Variants in ABHD12 observed in about 807,000 individuals in gnomAD.
ABHD12 encodes the protein abhydrolase domain containing 12, lysophospholipase.
In ABHD12, 43 loss-of-function variants were observed where a neutral mutation model predicts 58.3. The ratio of observed to expected loss-of-function variants is 0.74; its 90% CI spans 0.58 to 0.95. The LOEUF is 0.95. Among genes scored for constraint, ABHD12 ranks in the 40% least tolerant of loss-of-function variants. The pLI is 0.00. For synonymous variants in ABHD12, 219 were observed against 211.2 expected (o/e 1.04, Z -0.32); for missense variants, 539 against 537.2 (o/e 1.00, Z -0.03).
At chr20:25,367,475 A>G (rs1478171490) in intron 1 of ABHD12, among the ~76,000 whole-genome samples, 1 of 152,226 alleles carries the variant, frequency 6.6e-6, no homozygotes, top group Non-Finnish European at 1.5e-5. Context: ...TAATATGTTC[A>G]TATGTTCATA....
chr20:25,340,293 A>G (rs533859570), intron 1 of ABHD12, among the ~76,000 whole-genome samples: 14 of 152,382 alleles, frequency 9.2e-5, no homozygotes, highest in African/African-American at 3.1e-4. Flanking sequence ...TTCCAATACA[A>G]AAAATTTTAG....
intron 1 of ABHD12, among the ~76,000 whole-genome samples, chr20:25,365,616 C>T (rs1192223118): frequency 6.6e-6 from 1 of 152,192 alleles, no homozygotes; most frequent in African/African-American, 2.4e-5. Flanking sequence ...AGAGTAAGTG[C>T]ATCTATATTA....
chr20:25,348,103 G>A (rs1486409057), intron 1 of ABHD12, among the ~76,000 whole-genome samples: 25 of 151,828 alleles, frequency 1.6e-4, no homozygotes, highest in Non-Finnish European at 2.9e-4. Context: ...CCAGCTACTC[G>A]GGAGGCTGAG....
At chr20:25,377,084 C>T (rs956879238) in intron 1 of ABHD12, among the ~76,000 whole-genome samples, 1 of 152,194 alleles carries the variant, frequency 6.6e-6, no homozygotes, top group African/African-American at 2.4e-5. Context: ...TCAGCTTTTT[C>T]CTGAGGCTCT....
At chr20:25,357,165 A>G (rs2089679715) in intron 1 of ABHD12, among the ~76,000 whole-genome samples, 1 of 152,024 alleles carries the variant, frequency 6.6e-6, no homozygotes, top group South Asian at 2.1e-4. Context: ...TCCCCTCTCT[A>G]GCACTTCCTC....
chr20:25,368,193 A>C, intron 1 of ABHD12: 7 of 1,131,528 alleles, frequency 6.2e-6, no homozygotes, highest in Non-Finnish European at 9.0e-6. Context: ...TAGGATACTG[A>C]GAGCAAATGG....
At chr20:25,319,345 C>G (rs1300175501) in intron 4 of ABHD12, among the ~76,000 whole-genome samples, 1 of 152,262 alleles carries the variant, frequency 6.6e-6, no homozygotes, top group African/African-American at 2.4e-5. Context: ...GGAAAAGCAT[C>G]TGAGATAAAA....
At chr20:25,322,383 T>TATATATATATATATATATATATA (rs1568727719) in intron 3 of ABHD12, among the ~76,000 whole-genome samples, 2 of 31,566 alleles carry the variant, frequency 6.3e-5, no homozygotes, top group Non-Finnish European at 1.2e-4. Flanking sequence ...ATATATATAT[T>TATATATATATATATATATATATA]TTTTTTTTTT....
chr20:25,328,609 C>T (rs914861649), intron 2 of ABHD12, among the ~76,000 whole-genome samples: 2 of 152,264 alleles, frequency 1.3e-5, no homozygotes, highest in African/African-American at 2.4e-5. Flanking sequence ...GAGAGCATTC[C>T]CTGGCCACTG....
At chr20:25,383,954 CAAAAAAAAAAA>C (rs1201588127) in intron 1 of ABHD12, among the ~76,000 whole-genome samples, 7 of 53,366 alleles carry the variant, frequency 1.3e-4, no homozygotes, top group East Asian at 1.4e-3. Context: ...GACTCTTTCT[CAAAAAAAAAAA>C]AAAAAAAAAG....
chr20:25,366,031 C>A (rs2089815964), intron 1 of ABHD12, among the ~76,000 whole-genome samples: 1 of 152,102 alleles, frequency 6.6e-6, no homozygotes, highest in Non-Finnish European at 1.5e-5. Flanking sequence ...CATAGTAAGA[C>A]CCTTAAAAAT....
At chr20:25,358,303 G>A (rs1387420213) in intron 1 of ABHD12, among the ~76,000 whole-genome samples, 2 of 152,150 alleles carry the variant, frequency 1.3e-5, no homozygotes, top group Non-Finnish European at 2.9e-5. Context: ...AATAAACGAT[G>A]AGCCCATTTA....
At chr20:25,386,304 G>C (rs944892730) in intron 1 of ABHD12, among the ~76,000 whole-genome samples, 3 of 148,586 alleles carry the variant, frequency 2.0e-5, no homozygotes, top group Non-Finnish European at 3.0e-5. Flanking sequence ...TGTCGCCCAG[G>C]CTGGAGTGCA....
chr20:25,379,241 T>C (rs1440915741), intron 1 of ABHD12, among the ~76,000 whole-genome samples: 1 of 152,164 alleles, frequency 6.6e-6, no homozygotes, highest in African/African-American at 2.4e-5. Flanking sequence ...TGAAATGACT[T>C]CCCAAGGGAA....
chr20:25,299,731 A>G (rs1337721589), downstream of ABHD12, among the ~76,000 whole-genome samples: 1 of 152,126 alleles, frequency 6.6e-6, no homozygotes, highest in Non-Finnish European at 1.5e-5. Context: ...ATGCAAGGAG[A>G]TCCCAACCCT....
Position 25,308,021 on chromosome 20 carries a change from A to G in ABHD12, c.812T>C (p.Leu271Ser). 1.9e-6 allele frequency: 3 copies of G among 1,609,014 alleles called. No homozygotes were observed. Among genetic ancestry groups the G allele is most frequent in the Non-Finnish European group, 2.6e-6 (3 of 1,175,292 alleles). The change falls in exon 9 of 13, where the codon TTG (leucine) becomes TCG (serine). Residue 271 changes from leucine (L) to serine (S), a missense_variant. Coordinates refer to ENST00000339157, the MANE Select transcript of ABHD12 (RefSeq NM_001042472.3). The stretch of plus-strand genomic sequence containing the variant: ...GCGGATATTAGTGAATGGAGATTCC[A>G]ATATAAGGGCATCTGGAGGCGTCTC... Reference protein sequence around the residue: ...ERETPPDALILESPFTNIREE... With the variant: ...ERETPPDALISESPFTNIREE...
intron 1 of ABHD12, among the ~76,000 whole-genome samples, chr20:25,365,911 G>A (rs2089814003): frequency 6.6e-6 from 1 of 152,080 alleles, no homozygotes; most frequent in Non-Finnish European, 1.5e-5. Context: ...ATGGTGGTGT[G>A]TGCCTATACT....
rs1452824943 is a variant in ABHD12 at position 25,390,783 on chromosome 20, AGAGCCCG to A, written c.-87_-81del. Reference sequence around the variant, plus strand: ...CCGCCGCTCACAGCCGCCGCCACCCAGAGCCCGGAGCCCGGAACCCGCCGCTCCTCAC... The same window carrying A: ...CCGCCGCTCACAGCCGCCGCCACCCAGAGCCCGGAACCCGCCGCTCCTCAC... On this transcript the variant is annotated 5_prime_UTR_variant, in exon 1 of 13. Coordinates refer to ENST00000339157, the MANE Select transcript of ABHD12 (RefSeq NM_001042472.3). 2.0e-6 allele frequency: 2 copies of A among 997,712 alleles called. No individual in the cohort carries two copies. The highest frequency in any genetic ancestry group is 2.5e-6 in the Non-Finnish European group (2 of 786,762). 61.8% of individuals were successfully genotyped at this position (997,712 alleles called of 1,614,324 possible).
intron 2 of ABHD12, among the ~76,000 whole-genome samples, chr20:25,334,426 A>C (rs1302384198): frequency 6.1e-5 from 9 of 148,710 alleles, no homozygotes; most frequent in Admixed American, 2.7e-4. Flanking sequence ...GCTACCAATG[A>C]CTTTCTTCAC....
Sources: allele counts gnomAD v4.1 joint callset (sites outside exome capture counted in the v4.1 genomes callset), GRCh38; gene constraint gnomAD v4.1.1; transcripts MANE v1.5; gene names NCBI Gene and HGNC (gene_info 2026-07-23, HGNC 2026-07-21).